The following COL9A1 variants were observed in gnomAD, a reference collection of about 807,000 sequenced individuals.
COL9A1 encodes the protein collagen alpha-1(IX) chain.
COL9A1 carries 104 observed loss-of-function variants against 142.6 expected under a neutral mutation model. The observed-to-expected ratio is 0.73, with a 90% CI of 0.62 to 0.86. COL9A1 has a LOEUF of 0.86. Ranked by LOEUF, COL9A1 falls within the 40% of genes least tolerant of loss-of-function variation. The pLI is 0.00. For missense variants in COL9A1, 1,210 were observed against 1,176.6 expected (o/e 1.03, Z -0.42); for synonymous variants, 466 against 396.0 (o/e 1.18, Z -2.10).
intron 20 of COL9A1, among the ~76,000 whole-genome samples, chr6:70,257,668 G>GC (rs1401886694): frequency 6.6e-6 from 1 of 152,094 alleles, no homozygotes. Context: ...AATCACTTGG[G>GC]CCCGAGAGGA....
chr6:70,297,262 C>T (rs1237223352), intron 4 of COL9A1, among the ~76,000 whole-genome samples: 2 of 151,990 alleles, frequency 1.3e-5, no homozygotes, highest in Non-Finnish European at 2.9e-5. Context: ...TAAATGAATA[C>T]CTCAATTACA....
At chr6:70,272,143 A>AC (rs1185414577) in intron 12 of COL9A1, 55 bp from the exon 13 acceptor site, 2 of 1,392,338 alleles carry the variant, frequency 1.4e-6, no homozygotes, top group Non-Finnish European at 2.0e-6. Flanking sequence ...TAGTATAAAT[A>AC]TGAATGTAGA....
intron 5 of COL9A1, among the ~76,000 whole-genome samples, chr6:70,287,937 A>T (rs1019634556): frequency 1.3e-5 from 2 of 152,144 alleles, no homozygotes; most frequent in Non-Finnish European, 2.9e-5. Flanking sequence ...TTCAGGACTC[A>T]GTTCTTGGAC....
chr6:70,270,102 A>G (rs1412554882), intron 15 of COL9A1, among the ~76,000 whole-genome samples: 1 of 152,262 alleles, frequency 6.6e-6, no homozygotes, highest in Non-Finnish European at 1.5e-5. Flanking sequence ...TGAGTAAGAT[A>G]TACCCTATAA....
Position 70,274,787 on chromosome 6 carries a change from C to A in COL9A1, c.976-15G>T. On this transcript the variant is annotated splice_polypyrimidine_tract_variant and intron_variant, in intron 10 of 37. Coordinates refer to ENST00000357250, the MANE Select transcript of COL9A1 (RefSeq NM_001851.6). ...CCTGTTAATCCCTAATAGAGCAAGA[C>A]AATGATGTTAGAACTATCATAACAT... The A allele has an allele frequency of 1.2e-6, 2 of 1,608,258 alleles. No individual in the cohort carries two copies. The highest frequency in any genetic ancestry group is 1.7e-6 in the Non-Finnish European group (2 of 1,175,028).
chr6:70,232,692 A>T lies in COL9A1; in HGVS notation c.2394T>A (p.Pro798=), dbSNP rs1253102068. The change falls in exon 36 of 38, where the codon CCT becomes CCA. Residue 798 remains proline, a synonymous_variant. Coordinates refer to ENST00000357250, the MANE Select transcript of COL9A1 (RefSeq NM_001851.6). ...ATGLPGRPGP[P]GPPGPPGENG... ...TCTCTCCAGGAGGGCCGGGGGGACC[A>T]GGAGGGCCAGGCCTTCCAGGAAGCC... 1 of 1,614,042 alleles carries T rather than the reference A, an allele frequency of 6.2e-7. No homozygotes were observed. The highest frequency in any genetic ancestry group is 1.7e-5 in the Admixed American group (1 of 60,022).
intron 20 of COL9A1, 101 bp downstream of exon 20, chr6:70,260,556 A>G: frequency 2.0e-6 from 2 of 1,020,718 alleles, no homozygotes; most frequent in Non-Finnish European, 2.8e-6. Context: ...CTCAAAAAAA[A>G]AAAAAAAAAA....
chr6:70,255,465 A>C (rs1339792166), intron 21 of COL9A1, 75 bp from the exon 22 acceptor site: 27 of 1,284,788 alleles, frequency 2.1e-5, no homozygotes, highest in Non-Finnish European at 3.0e-5. Context: ...AGAAAGTATC[A>C]TCCACGTCAC....
At chr6:70,295,506 T>A (rs1422490428) in intron 4 of COL9A1, among the ~76,000 whole-genome samples, 1 of 152,000 alleles carries the variant, frequency 6.6e-6, no homozygotes, top group Admixed American at 6.6e-5. Flanking sequence ...CAGGCTGGTC[T>A]CGAACTCCTG....
At chr6:70,261,983 A>C (rs1000499585) in intron 19 of COL9A1, among the ~76,000 whole-genome samples, 1 of 152,158 alleles carries the variant, frequency 6.6e-6, no homozygotes, top group Admixed American at 6.5e-5. Flanking sequence ...GGAGGTAATC[A>C]AGCACTAACG....
chr6:70,220,170 C>T (rs1583194599), intron 37 of COL9A1, among the ~76,000 whole-genome samples: 1 of 148,350 alleles, frequency 6.7e-6, no homozygotes, highest in Non-Finnish European at 1.5e-5. Context: ...ATCATCATCA[C>T]CACAAATGCT....
At chr6:70,271,304 A>G (rs1197008463) in intron 14 of COL9A1, among the ~76,000 whole-genome samples, 3 of 152,220 alleles carry the variant, frequency 2.0e-5, no homozygotes, top group Non-Finnish European at 4.4e-5. Context: ...ACATAAATAC[A>G]CATGGTAATA....
At position 70,233,244 on chromosome 6, in the gene COL9A1, G is replaced by A. The variant is rs190645944; in HGVS notation, c.2315-473C>T. On this transcript the variant is annotated intron_variant, in intron 35 of 37. Transcript: ENST00000357250. Reference sequence around the variant, plus strand: ...ATATTCAGACACCATTTGAGACCTCGCCTCACATTCTTAGTTTGAAGATAT... The same window carrying A: ...ATATTCAGACACCATTTGAGACCTCACCTCACATTCTTAGTTTGAAGATAT... Among the ~76,000 whole-genome samples the A allele has an allele frequency of 4.2e-4, 64 of 152,282 alleles. 1 individual carries two copies. In the East Asian group the frequency reaches 9.8e-3, roughly 23 times the overall value.
chr6:70,241,964 C>A lies in COL9A1; in HGVS notation c.1998G>T (p.Arg666Ser). Residue 666 changes from arginine to serine, a missense_variant and splice_region_variant, in exon 30 of 38, where the codon AGG becomes AGT. Coordinates refer to ENST00000357250, the MANE Select transcript of COL9A1 (RefSeq NM_001851.6). ...CCTTCTGGAGTGCTGGAGCTCTTAC[C>A]CTGTCACCTTTCATTCCAGGAAGTC... ...PPGLPGMKGD[R>S]GVVGEPGPKG... is the part of the protein sequence containing the mutation. 1 of 1,591,900 alleles carries A rather than the reference C, an allele frequency of 6.3e-7. No homozygotes were observed. The highest frequency in any genetic ancestry group is 1.1e-5 in the South Asian group (1 of 87,484).
intron 10 of COL9A1, chr6:70,279,762 T>C (rs1371525488): frequency 2.5e-6 from 1 of 397,336 alleles, no homozygotes; most frequent in African/African-American, 2.0e-5. Context: ...CACACCTTAA[T>C]AACAGTAAAA....
chr6:70,266,828 C>T (rs866969087), intron 17 of COL9A1, 58 bp from the exon 18 acceptor site: 7 of 1,386,804 alleles, frequency 5.0e-6, no homozygotes, highest in South Asian at 3.5e-5. Flanking sequence ...GATCAGAAGG[C>T]TCATAAAGTG....
intron 28 of COL9A1, among the ~76,000 whole-genome samples, chr6:70,248,842 G>T (rs1056014392): frequency 6.6e-6 from 1 of 152,206 alleles, no homozygotes; most frequent in South Asian, 2.1e-4. Flanking sequence ...AGTTACCACG[G>T]CATGGGGTAC....
intron 18 of COL9A1, among the ~76,000 whole-genome samples, chr6:70,265,705 T>A (rs1342086516): frequency 6.6e-6 from 1 of 152,122 alleles, no homozygotes; most frequent in East Asian, 1.9e-4. Context: ...ATATTTCAGA[T>A]AAATAAAATG....
At chr6:70,242,260 C>T (rs890082716) in intron 29 of COL9A1, 7 of 601,206 alleles carry the variant, frequency 1.2e-5, no homozygotes, top group Admixed American at 2.6e-5. Flanking sequence ...GTTCCCCTTG[C>T]ACTCCTTGGC....
Sources: allele counts gnomAD v4.1 joint callset (sites outside exome capture counted in the v4.1 genomes callset), GRCh38; gene constraint gnomAD v4.1.1; transcripts MANE v1.5; gene names NCBI Gene and HGNC (gene_info 2026-07-23, HGNC 2026-07-21).